The following PLCG2 variants were observed in gnomAD, a reference collection of about 807,000 sequenced individuals.
PLCG2 encodes phospholipase C gamma 2, also known as 1-phosphatidylinositol 4,5-bisphosphate phosphodiesterase gamma-2.
A neutral mutation model predicts 175.6 loss-of-function variants in PLCG2; 69 were observed. The ratio of observed to expected loss-of-function variants is 0.39; its 90% CI spans 0.32 to 0.48. The LOEUF is 0.48. PLCG2 is among the 20% of genes least tolerant of loss of function. The pLI, the probability that PLCG2 is intolerant of heterozygous loss-of-function variation, is 0.91. For missense variants in PLCG2, 1,798 were observed against 1,650.9 expected (o/e 1.09, Z -1.54); for synonymous variants, 827 against 624.0 (o/e 1.33, Z -4.85).
chr16:81,822,488 G>A (rs4417543), intron 2 of PLCG2, among the ~76,000 whole-genome samples: 52,131 of 152,002 alleles, frequency 0.34, 9,808 homozygotes, highest in East Asian at 0.79. Context: ...TGGGGGCAGT[G>A]GCTCATGCCT....
chr16:81,854,428 G>A lies in PLCG2; in HGVS notation c.194-16G>A, dbSNP rs1906579099. The A allele has an allele frequency of 1.2e-6, 2 of 1,613,054 alleles. No homozygotes were observed. The highest frequency in any genetic ancestry group is 8.5e-7 in the Non-Finnish European group (1 of 1,179,156). Reference sequence around the variant, plus strand: ...GAACTCCAGCTTCTAATTGGCTCATGTTAATTTCATTTTAGTGGATATCAT... The same window carrying A: ...GAACTCCAGCTTCTAATTGGCTCATATTAATTTCATTTTAGTGGATATCAT... On this transcript the variant is annotated splice_polypyrimidine_tract_variant and intron_variant, in intron 2 of 32. Coordinates refer to ENST00000564138, the MANE Select transcript of PLCG2 (RefSeq NM_002661.5).
At chr16:81,778,063 A>AC (rs1555505494), upstream of PLCG2, among the ~76,000 whole-genome samples, 2 of 104,824 alleles carry the variant, frequency 1.9e-5, no homozygotes, top group Admixed American at 1.0e-4. Context: ...AACAAAAAAA[A>AC]CCAAAAACAC....
chr16:81,870,820 A>G, intron 6 of PLCG2, 32 bp from the exon 7 acceptor site: 1 of 1,262,288 alleles, frequency 7.9e-7, no homozygotes, highest in Non-Finnish European at 1.1e-6. Context: ...TGGACATCAA[A>G]AATCATGTGG....
intron 24 of PLCG2, chr16:81,928,887 C>T (rs1447303727): frequency 2.4e-5 from 10 of 417,668 alleles, no homozygotes; most frequent in Non-Finnish European, 3.5e-5. Context: ...TTATTACCAG[C>T]GTCACTCTTA....
chr16:81,865,737 G>GA (rs1481241348), intron 5 of PLCG2, among the ~76,000 whole-genome samples: 1 of 150,574 alleles, frequency 6.6e-6, no homozygotes, highest in Non-Finnish European at 1.5e-5. Context: ...CTCCCAGGAT[G>GA]AGCTCCACTG....
In PLCG2 at chr16:81,826,558, CAT is replaced by C. The variant is rs1227592181; in HGVS notation, c.194-27885_194-27884del. 2.6e-5 allele frequency among the ~76,000 whole-genome samples: 4 copies of C among 152,350 alleles called. No individual in the cohort carries two copies. In the South Asian group the frequency reaches 8.3e-4, roughly 32 times the overall value. ...AATGTAACAAGCACTTAGAATAACACATGTTCAGTCAGTGATAGTGGTGGTTG... is the reference window on the plus strand; with the variant it reads ...AATGTAACAAGCACTTAGAATAACACGTTCAGTCAGTGATAGTGGTGGTTG... On this transcript the variant is annotated intron_variant, in intron 2 of 32. Coordinates refer to ENST00000564138, the MANE Select transcript of PLCG2 (RefSeq NM_002661.5).
Position 81,912,720 on chromosome 16 carries a change from G to A in PLCG2, c.2054+4G>A. On this transcript the variant is annotated splice_donor_region_variant and intron_variant, in intron 19 of 32. Transcript: ENST00000564138. ...ACTCCTATGCCATCACCTTCAGGTG[G>A]GTGCGAGGGTGGGAGGCACATGCTC... is the stretch of plus-strand genomic sequence containing the variant. The A allele has an allele frequency of 2.5e-6, 4 of 1,593,748 alleles. No homozygotes were observed. The highest frequency in any genetic ancestry group is 3.4e-6 in the Non-Finnish European group (4 of 1,170,326).
chr16:81,849,841 T>C (rs1215735783), intron 2 of PLCG2, among the ~76,000 whole-genome samples: 3 of 149,216 alleles, frequency 2.0e-5, no homozygotes, highest in East Asian at 1.9e-4. Context: ...GGAAAGAGAA[T>C]TGTTAGACTA....
At chr16:81,869,437 A>G (rs1258792133) in intron 6 of PLCG2, 139 bp downstream of exon 6, 9 of 665,274 alleles carry the variant, frequency 1.4e-5, no homozygotes, top group African/African-American at 3.6e-5. Flanking sequence ...CTTAGTTCAG[A>G]CAGAGGGATC....
chr16:81,911,102 A>T (rs1473972869), intron 18 of PLCG2, among the ~76,000 whole-genome samples: 1 of 152,090 alleles, frequency 6.6e-6, no homozygotes. Context: ...GATTTTTTTT[A>T]TCTAGTGAAA....
At chr16:81,844,571 C>G (rs1018048486) in intron 2 of PLCG2, among the ~76,000 whole-genome samples, 1 of 152,170 alleles carries the variant, frequency 6.6e-6, no homozygotes, top group Non-Finnish European at 1.5e-5. Flanking sequence ...ATCTGCTTGC[C>G]TAGGCCTCCC....
intron 2 of PLCG2, among the ~76,000 whole-genome samples, chr16:81,840,217 G>A (rs904242119): frequency 3.9e-5 from 6 of 152,152 alleles, no homozygotes; most frequent in African/African-American, 7.2e-5. Context: ...TGGAGAGCAT[G>A]CTTAGAATTG....
intron 1 of PLCG2, among the ~76,000 whole-genome samples, chr16:81,743,379 T>A (rs578183060): frequency 6.6e-6 from 1 of 152,100 alleles, no homozygotes; most frequent in African/African-American, 2.4e-5. Flanking sequence ...AAAGAACCGG[T>A]GTGCTCTGTC....
intron 10 of PLCG2, among the ~76,000 whole-genome samples, chr16:81,889,669 T>A (rs921565546): frequency 3.9e-5 from 6 of 152,112 alleles, no homozygotes; most frequent in African/African-American, 1.4e-4. Context: ...GTGTGTTTGT[T>A]TTTGAGATGG....
chr16:81,883,404 C>G (rs867693270), intron 9 of PLCG2, 63 bp downstream of exon 9: 6 of 1,355,978 alleles, frequency 4.4e-6, no homozygotes, highest in Middle Eastern at 1.9e-4. Flanking sequence ...GGACTAGTCT[C>G]ACCCTTCTGC....
rs1177142037 is a variant in PLCG2 at position 81,937,918 on chromosome 16, C to T, written c.3198+15C>T. 1.1e-5 allele frequency: 17 copies of T among 1,613,098 alleles called. No homozygotes were observed. The highest frequency in any genetic ancestry group is 1.4e-5 in the Non-Finnish European group (17 of 1,179,454). On this transcript the variant is annotated intron_variant, in intron 28 of 32. Transcript: ENST00000564138. ...TGACAGTCAAGGTAAAGCCAGCCCT[C>T]CCTTCCTGCCAGGGGAGCCAGCCGC...
At chr16:81,919,251 T>G (rs1909963501) in intron 19 of PLCG2, among the ~76,000 whole-genome samples, 1 of 152,216 alleles carries the variant, frequency 6.6e-6, no homozygotes, top group Non-Finnish European at 1.5e-5. Flanking sequence ...GAGGAGCTGT[T>G]GAGTCACTCG....
At chr16:81,942,577 G>A (rs1380705731) in intron 30 of PLCG2, among the ~76,000 whole-genome samples, 1 of 152,150 alleles carries the variant, frequency 6.6e-6, no homozygotes, top group African/African-American at 2.4e-5. Flanking sequence ...TGGAGCGCAG[G>A]AAGGAAAGCA....
chr16:81,784,759 A>G (rs548041294), intron 1 of PLCG2, among the ~76,000 whole-genome samples: 1 of 152,114 alleles, frequency 6.6e-6, no homozygotes, highest in Non-Finnish European at 1.5e-5. Flanking sequence ...ACCTTCTTTT[A>G]TGGGACTGGA....
Sources: gnomAD v4.1 joint callset for allele counts (sites outside exome capture counted in the v4.1 genomes callset) on GRCh38, gnomAD v4.1.1 for gene constraint, MANE v1.5 for transcripts, NCBI Gene and HGNC (gene_info 2026-07-23, HGNC 2026-07-21) for gene names.